LRRC4C: variants seen among roughly 807,000 people sequenced by gnomAD.
LRRC4C encodes leucine rich repeat containing 4C.
Under a neutral mutation model 33.6 loss-of-function variants are expected in LRRC4C, and 5 were observed. The ratio of observed to expected loss-of-function variants is 0.15; its 90% CI spans 0.08 to 0.31. The LOEUF (loss-of-function observed/expected upper bound fraction) is 0.31. LRRC4C is among the 10% of genes least tolerant of loss of function. The probability of loss-of-function intolerance (pLI) is 1.00; values close to 1 mark genes in which losing one functional copy is unlikely to be tolerated. For missense variants in LRRC4C, 560 were observed against 796.7 expected (o/e 0.70, Z 3.58); for synonymous variants, 329 against 302.0 (o/e 1.09, Z -0.93).
chr11:40,281,987 A>T (rs752311356), intron 4 of LRRC4C, among the ~76,000 whole-genome samples: 6 of 152,222 alleles, frequency 3.9e-5, no homozygotes, highest in Non-Finnish European at 7.3e-5. Flanking sequence ...AAGCAAATGG[A>T]TCCCTCCCAA....
intron 4 of LRRC4C, chr11:40,293,125 A>G (rs1424696545): frequency 6.7e-6 from 1 of 150,050 alleles, no homozygotes; most frequent in Non-Finnish European, 1.5e-5. Flanking sequence ...CTCCCCTCCA[A>G]ACTCCGGTTA....
chr11:40,767,035 G>A (rs1482740509), intron 2 of LRRC4C, among the ~76,000 whole-genome samples: 1 of 149,336 alleles, frequency 6.7e-6, no homozygotes. Context: ...GCTGGATGGA[G>A]AAAAAAAAAA....
intron 3 of LRRC4C, among the ~76,000 whole-genome samples, chr11:40,592,197 A>G (rs1959090586): frequency 6.6e-6 from 1 of 152,214 alleles, no homozygotes. Context: ...GGCAAAAGTA[A>G]CAGGTGCTAT....
chr11:41,080,489 T>C (rs1939492511), intron 1 of LRRC4C, among the ~76,000 whole-genome samples: 1 of 152,072 alleles, frequency 6.6e-6, no homozygotes, highest in East Asian at 2.0e-4. Flanking sequence ...GTAGCTGGGA[T>C]TACAGGCATG....
At chr11:40,901,999 TACACACACACACACACACACAC>T (rs369525560) in intron 2 of LRRC4C, among the ~76,000 whole-genome samples, 124 of 139,842 alleles carry the variant, frequency 8.9e-4, no homozygotes, top group Non-Finnish European at 1.7e-3. Context: ...TCTCTCTCTC[TACACACACACACACACACACAC>T]ACACACACAC....
intron 1 of LRRC4C, among the ~76,000 whole-genome samples, chr11:41,294,523 A>G (rs1591182065): frequency 6.6e-6 from 1 of 152,214 alleles, no homozygotes; most frequent in East Asian, 1.9e-4. Flanking sequence ...AGAAAGATGT[A>G]TTTCTATTTT....
intron 3 of LRRC4C, among the ~76,000 whole-genome samples, chr11:40,635,935 G>A (rs2136055061): frequency 6.6e-6 from 1 of 152,064 alleles, no homozygotes; most frequent in Non-Finnish European, 1.5e-5. Flanking sequence ...CACTGCGCCC[G>A]GCCAGAAGAG....
intron 3 of LRRC4C, among the ~76,000 whole-genome samples, chr11:40,345,160 A>G (rs1412095275): frequency 6.6e-6 from 1 of 152,134 alleles, no homozygotes; most frequent in Non-Finnish European, 1.5e-5. Flanking sequence ...ATGCTATCAA[A>G]CTATCAATAA....
chr11:41,231,736 C>G (rs1947807213), intron 1 of LRRC4C, among the ~76,000 whole-genome samples: 1 of 151,674 alleles, frequency 6.6e-6, no homozygotes, highest in Admixed American at 6.6e-5. Flanking sequence ...GCACATTGTG[C>G]ACATGTACCC....
chr11:41,202,618 T>G (rs1946442898), intron 1 of LRRC4C, among the ~76,000 whole-genome samples: 2 of 152,018 alleles, frequency 1.3e-5, no homozygotes, highest in South Asian at 4.1e-4. Context: ...CTTCTGCTTG[T>G]AAATAACAGA....
intron 1 of LRRC4C, among the ~76,000 whole-genome samples, chr11:41,327,686 T>C (rs1951163953): frequency 6.6e-6 from 1 of 152,146 alleles, no homozygotes; most frequent in Non-Finnish European, 1.5e-5. Context: ...CCACGTGTCA[T>C]GGGAGGGACC....
chr11:40,988,355 G>T (rs543621042), intron 1 of LRRC4C, among the ~76,000 whole-genome samples: 76 of 152,056 alleles, frequency 5.0e-4, no homozygotes, highest in Non-Finnish European at 1.0e-3. Flanking sequence ...GCTCATTCTT[G>T]AAGTTACTCA....
intron 3 of LRRC4C, among the ~76,000 whole-genome samples, chr11:40,570,985 T>C (rs1343613147): frequency 6.6e-6 from 1 of 152,168 alleles, no homozygotes; most frequent in Non-Finnish European, 1.5e-5. Flanking sequence ...TGTTTAATGT[T>C]TTTTTACTGA....
chr11:41,226,733 C>T (rs1947552376), intron 1 of LRRC4C, among the ~76,000 whole-genome samples: 1 of 132,570 alleles, frequency 7.5e-6, no homozygotes, highest in African/African-American at 3.0e-5. Flanking sequence ...TGCTAAAATC[C>T]TTACCATTAC....
chr11:40,582,243 T>G (rs1026353073), intron 3 of LRRC4C, among the ~76,000 whole-genome samples: 1 of 152,214 alleles, frequency 6.6e-6, no homozygotes, highest in African/African-American at 2.4e-5. Flanking sequence ...ACTTTCAGAC[T>G]GATTTTTAAT....
intron 4 of LRRC4C, chr11:40,241,968 T>G (rs535240490): frequency 6.6e-6 from 1 of 152,236 alleles, no homozygotes; most frequent in African/African-American, 2.4e-5. Flanking sequence ...GTCTGGGCCC[T>G]GCTTCAGGAA....
Position 40,856,848 on chromosome 11 carries a change from G to A in LRRC4C, c.-407+76787C>T, listed in dbSNP as rs114574398. Among the ~76,000 whole-genome samples the A allele has an allele frequency of 8.5e-3, 1,299 of 152,248 alleles. 22 individuals are homozygous for A. The highest frequency in any genetic ancestry group is 0.03 in the African/African-American group (1,231 of 41,536). ...CTAAAGCTGACAATCACATTCTAGTGTTTTTATCTGTTTTTTTCCCAGAGA... is the reference window on the plus strand; with the variant it reads ...CTAAAGCTGACAATCACATTCTAGTATTTTTATCTGTTTTTTTCCCAGAGA... On this transcript the variant is annotated intron_variant, in intron 2 of 6. Transcript: ENST00000528697.
chr11:40,602,193 CAAAA>C (rs375091552), intron 3 of LRRC4C, among the ~76,000 whole-genome samples: 1 of 93,830 alleles, frequency 1.1e-5, no homozygotes, highest in Non-Finnish European at 1.9e-5. Context: ...GAATCTGTCT[CAAAA>C]AAAAAAAAAA....
intron 5 of LRRC4C, among the ~76,000 whole-genome samples, chr11:40,188,797 A>G (rs912294780): frequency 1.4e-5 from 2 of 147,946 alleles, no homozygotes; most frequent in Admixed American, 1.4e-4. Flanking sequence ...GAGGCTTTAA[A>G]GTAGACCTTG....
Sources: gnomAD v4.1 joint callset for allele counts (sites outside exome capture counted in the v4.1 genomes callset) on GRCh38, gnomAD v4.1.1 for gene constraint, MANE v1.5 for transcripts, NCBI Gene and HGNC (gene_info 2026-07-23, HGNC 2026-07-21) for gene names.